The following RIMS3 variants were observed in gnomAD, a reference collection of about 807,000 sequenced individuals.
The protein encoded by RIMS3 is regulating synaptic membrane exocytosis 3.
Under a neutral mutation model 29.2 loss-of-function variants are expected in RIMS3, and 15 were observed. The observed-to-expected ratio is 0.51, with a 90% CI of 0.34 to 0.79. The LOEUF (loss-of-function observed/expected upper bound fraction) is 0.79. Ranked by LOEUF, RIMS3 falls within the 30% of genes least tolerant of loss-of-function variation. RIMS3 has a pLI of 0.01. For missense variants in RIMS3, 342 were observed against 421.4 expected (o/e 0.81, Z 1.65); for synonymous variants, 161 against 170.1 (o/e 0.95, Z 0.41).
At position 40,626,197 on chromosome 1, in the gene RIMS3, T is replaced by C; in HGVS notation, c.*320A>G. On this transcript the variant is annotated 3_prime_UTR_variant, in exon 8 of 8. Coordinates refer to ENST00000372684, the MANE Select transcript of RIMS3 (RefSeq NM_014747.3). ...ATCCCTGGAGACTCCTCAGGGTGAG[T>C]CATGTCCACACAACACTCCTTTGGG... is the stretch of plus-strand genomic sequence containing the variant. 1 of 404,648 alleles carries C rather than the reference T, an allele frequency of 2.5e-6. No homozygotes were observed. The allele number at this position is 404,648 out of a possible 1,614,324, so 25.1% of individuals were successfully genotyped here.
chr1:40,628,687 G>A, intron 7 of RIMS3, 123 bp downstream of exon 7: 1 of 1,323,616 alleles, frequency 7.6e-7, no homozygotes, highest in Non-Finnish European at 1.1e-6. Flanking sequence ...GAAAGTAAAT[G>A]AGTAACGCAA....
rs1646449857 is a variant in RIMS3, at chr1:40,625,842, G to A, written c.*675C>T. 6.5e-6 allele frequency: 1 copy of A among 154,288 alleles called. No individual in the cohort carries two copies. The highest frequency in any genetic ancestry group is 2.4e-5 in the African/African-American group (1 of 41,446). 9.6% of individuals were successfully genotyped at this position (154,288 alleles called of 1,614,324 possible). Reference sequence around the variant, plus strand: ...AGAGAAAGTCATTTCTAAGCCCTCAGTCCCCTGGGTACCCTCTGCCTCCCC... The same window carrying A: ...AGAGAAAGTCATTTCTAAGCCCTCAATCCCCTGGGTACCCTCTGCCTCCCC... On this transcript the variant is annotated 3_prime_UTR_variant, in exon 8 of 8. Transcript: ENST00000372684.
intron 1 of RIMS3, among the ~76,000 whole-genome samples, chr1:40,651,170 G>A (rs1250319711): frequency 1.3e-5 from 2 of 152,160 alleles, no homozygotes; most frequent in African/African-American, 2.4e-5. Context: ...AATGTGACTT[G>A]GTTTGGAAAC....
chr1:40,662,294 A>G (rs948880304), intron 1 of RIMS3, among the ~76,000 whole-genome samples: 1 of 151,880 alleles, frequency 6.6e-6, no homozygotes, highest in African/African-American at 2.4e-5. Context: ...CCCCTTCCTC[A>G]TCCCTTCTTC....
intron 2 of RIMS3, among the ~76,000 whole-genome samples, chr1:40,645,987 G>C (rs1304932517): frequency 6.6e-6 from 1 of 152,184 alleles, no homozygotes; most frequent in Non-Finnish European, 1.5e-5. Flanking sequence ...CAAGGTCCTA[G>C]GACTGACCTT....
intron 1 of RIMS3, among the ~76,000 whole-genome samples, chr1:40,657,117 T>C (rs534921772): frequency 2.2e-4 from 34 of 152,326 alleles, no homozygotes; most frequent in Non-Finnish European, 4.7e-4. Flanking sequence ...GAGCAGGAAT[T>C]ATCTTCCCCG....
chr1:40,683,976 A>C, the RIMS3 span, among the ~76,000 whole-genome samples: 87 of 152,312 alleles, frequency 5.7e-4, 2 homozygotes, highest in East Asian at 0.011. Context: ...GTTACAGTAG[A>C]TACAACCATG....
At position 40,629,389 on chromosome 1, in the gene RIMS3, G is replaced by A. The variant is rs1365226211; in HGVS notation, c.473-17C>T. On this transcript the variant is annotated splice_polypyrimidine_tract_variant and intron_variant, in intron 5 of 7. Transcript: ENST00000372684. Reference sequence around the variant, plus strand: ...GCACATCTCCTGAAAGGAAGAAGAGGGTGAGTCCAGGCAGGGCCAGACCAA... The same window carrying A: ...GCACATCTCCTGAAAGGAAGAAGAGAGTGAGTCCAGGCAGGGCCAGACCAA... 1.2e-6 allele frequency: 2 copies of A among 1,607,388 alleles called. No homozygotes were observed. The highest frequency in any genetic ancestry group is 1.7e-6 in the Non-Finnish European group (2 of 1,173,882).
At chr1:40,640,172 C>T (rs1199387946) in intron 3 of RIMS3, among the ~76,000 whole-genome samples, 1 of 152,158 alleles carries the variant, frequency 6.6e-6, no homozygotes, top group Admixed American at 6.5e-5. Flanking sequence ...TCCAACACCT[C>T]CACGACCTTC....
At chr1:40,632,461 TA>T (rs1646495771) in intron 5 of RIMS3, among the ~76,000 whole-genome samples, 2 of 114,950 alleles carry the variant, frequency 1.7e-5, no homozygotes, top group Non-Finnish European at 3.6e-5. Flanking sequence ...TATATATATA[TA>T]TGCCATCTAG....
At position 40,635,945 on chromosome 1, in the gene RIMS3, C is replaced by CCA; in HGVS notation, c.329_330insTG (p.Ser111GlyfsTer19). The CCA allele has an allele frequency of 6.2e-7, 1 of 1,612,826 alleles. No homozygotes were observed. Among genetic ancestry groups the CCA allele is most frequent in the East Asian group, 2.2e-5 (1 of 44,882 alleles). The stretch of plus-strand genomic sequence containing the variant: ...CGTCGGAGCTGTTGCTGTTGGTGCT[C>CCA]CCATCGGTGGACTCCCGGCTGCCCT... On this transcript the variant is annotated frameshift_variant, in exon 4 of 8. Transcript: ENST00000372684. LOFTEE classifies it high-confidence loss of function. The surrounding 1 kb of genome is among the most constrained non-coding windows in gnomAD (Gnocchi z 4.1).
At chr1:40,660,169 C>T (rs1201427297) in intron 1 of RIMS3, among the ~76,000 whole-genome samples, 10 of 151,858 alleles carry the variant, frequency 6.6e-5, no homozygotes, top group East Asian at 1.9e-4. Context: ...GGGTGTGGGA[C>T]GGGAAGAGGG....
intron 3 of RIMS3, among the ~76,000 whole-genome samples, chr1:40,637,101 G>A (rs978911933): frequency 2.0e-5 from 3 of 152,174 alleles, no homozygotes; most frequent in Admixed American, 1.3e-4. Context: ...CGAATTAACA[G>A]TGGAGTTGCC....
intron 3 of RIMS3, among the ~76,000 whole-genome samples, chr1:40,641,299 T>C (rs1479657320): frequency 6.6e-6 from 1 of 152,212 alleles, no homozygotes; most frequent in Non-Finnish European, 1.5e-5. Flanking sequence ...TGGATGTGTA[T>C]GTCTGTAAAA....
intron 1 of RIMS3, among the ~76,000 whole-genome samples, chr1:40,648,565 A>G (rs1646609577): frequency 6.6e-6 from 1 of 152,238 alleles, no homozygotes; most frequent in Non-Finnish European, 1.5e-5. Context: ...ATAAAACATT[A>G]TAAAACAAGG....
At chr1:40,674,443 A>C in the RIMS3 span, among the ~76,000 whole-genome samples, 1 of 152,158 alleles carries the variant, frequency 6.6e-6, no homozygotes, top group African/African-American at 2.4e-5. Flanking sequence ...CCAGCACCGG[A>C]GTCAAGGGTC....
Position 40,623,110 on chromosome 1 carries a change from T to C in RIMS3, c.*3407A>G, listed in dbSNP as rs1462913728. 3.4e-6 allele frequency: 1 copy of C among 294,346 alleles called. No individual in the cohort carries two copies. Among genetic ancestry groups the C allele is most frequent in the Non-Finnish European group, 6.2e-6 (1 of 160,394 alleles). The allele number at this position is 294,346 out of a possible 1,614,324, so 18.2% of individuals were successfully genotyped here. A position where few individuals can be genotyped will look rare whatever the true frequency, so the allele number is the denominator to read the frequency against. On this transcript the variant is annotated 3_prime_UTR_variant, in exon 8 of 8. Transcript: ENST00000372684. ...CAGTGATTCCACAGAGGATGAGCTC[T>C]ATGGGTGGCCTTTCTTGGAGCTCCT...
At chr1:40,644,146 T>C (rs1280366876) in intron 2 of RIMS3, among the ~76,000 whole-genome samples, 1 of 152,212 alleles carries the variant, frequency 6.6e-6, no homozygotes, top group East Asian at 1.9e-4. Flanking sequence ...CCAGTGCTAC[T>C]GTGAACAGAC....
chr1:40,643,795 T>C (rs1372730784), intron 2 of RIMS3, among the ~76,000 whole-genome samples: 1 of 152,118 alleles, frequency 6.6e-6, no homozygotes, highest in Non-Finnish European at 1.5e-5. Flanking sequence ...TCTTTCTACA[T>C]GGATTTTGTC....
Sources: gnomAD v4.1 joint callset for allele counts (sites outside exome capture counted in the v4.1 genomes callset) on GRCh38, gnomAD v4.1.1 for gene constraint, Gnocchi (gnomAD v3.1) non-coding constraint, MANE v1.5 for transcripts, NCBI Gene and HGNC (gene_info 2026-07-23, HGNC 2026-07-21) for gene names.